CCDC178: variants seen among roughly 807,000 people sequenced by gnomAD.
CCDC178 encodes the protein coiled-coil domain containing 178.
In CCDC178, 126 loss-of-function variants were observed where a neutral mutation model predicts 117.4. The observed-to-expected ratio is 1.07, with a 90% CI of 0.93 to 1.24. The LOEUF (loss-of-function observed/expected upper bound fraction) is 1.24, where lower values mean the gene tolerates loss of function less well. CCDC178 is among the 50% of genes most tolerant of loss of function. The probability of loss-of-function intolerance (pLI) is 0.00; values close to 1 mark genes in which losing one functional copy is unlikely to be tolerated. For missense variants in CCDC178, 1,030 were observed against 986.9 expected (o/e 1.04, Z -0.59); for synonymous variants, 283 against 313.4 (o/e 0.90, Z 1.02).
At chr18:33,358,277 A>AT (rs957748258) in intron 6 of CCDC178, among the ~76,000 whole-genome samples, 2 of 151,970 alleles carry the variant, frequency 1.3e-5, no homozygotes, top group South Asian at 2.1e-4. Flanking sequence ...ATCCCAATAG[A>AT]TTTTTTTCAT....
At chr18:33,165,872 T>C (rs2144400972) in intron 20 of CCDC178, among the ~76,000 whole-genome samples, 1 of 152,328 alleles carries the variant, frequency 6.6e-6, no homozygotes, top group African/African-American at 2.4e-5. Context: ...TTAATGCAAT[T>C]AATATCAATT....
chr18:33,134,514 A>C (rs2058102566), intron 20 of CCDC178, among the ~76,000 whole-genome samples: 1 of 152,058 alleles, frequency 6.6e-6, no homozygotes, highest in African/African-American at 2.4e-5. Flanking sequence ...AATGTTCACT[A>C]TTAGCTACTG....
chr18:32,948,494 C>G (rs974098677), intron 22 of CCDC178, among the ~76,000 whole-genome samples: 1 of 152,030 alleles, frequency 6.6e-6, no homozygotes, highest in East Asian at 1.9e-4. Flanking sequence ...CACATTGATG[C>G]TATATTATGC....
chr18:33,387,516 T>C (rs2063509652), intron 5 of CCDC178, among the ~76,000 whole-genome samples: 1 of 152,042 alleles, frequency 6.6e-6, no homozygotes, highest in Non-Finnish European at 1.5e-5. Context: ...AACAGGCACA[T>C]AGACCAATAG....
chr18:33,148,975 T>A (rs2058308900), intron 20 of CCDC178, among the ~76,000 whole-genome samples: 2 of 152,226 alleles, frequency 1.3e-5, no homozygotes, highest in African/African-American at 4.8e-5. Flanking sequence ...TGTCTGTTTC[T>A]GGCCAATGCG....
Position 33,398,250 on chromosome 18 carries a change from T to C in CCDC178, c.59-1042A>G, listed in dbSNP as rs570345591. On this transcript the variant is annotated intron_variant, in intron 3 of 22. Coordinates refer to ENST00000383096, the MANE Select transcript of CCDC178 (RefSeq NM_001105528.4). ...ATGAAAAGAAACAGTTTCTTCTCTA[T>C]ACAAAAACAGACATATGAAAATAAA... Among the ~76,000 whole-genome samples, 429 of 152,150 alleles carry C rather than the reference T, an allele frequency of 2.8e-3. 10 individuals are homozygous for C. The highest frequency in any genetic ancestry group is 6.8e-4 in the Non-Finnish European group (46 of 67,966).
At chr18:33,034,510 T>C (rs965700198) in intron 21 of CCDC178, among the ~76,000 whole-genome samples, 1 of 152,042 alleles carries the variant, frequency 6.6e-6, no homozygotes. Flanking sequence ...TGTTTGACCT[T>C]TATATTTGCT....
chr18:33,211,265 A>G (rs1461629239), intron 20 of CCDC178, among the ~76,000 whole-genome samples: 2 of 151,938 alleles, frequency 1.3e-5, no homozygotes, highest in African/African-American at 2.4e-5. Context: ...AATGTAATTT[A>G]AATATGGTAC....
At position 32,940,625 on chromosome 18, in the gene CCDC178, T is replaced by C. The variant is rs567071746; in HGVS notation, c.2524-2534A>G. Among the ~76,000 whole-genome samples the C allele has an allele frequency of 3.3e-5, 5 of 152,228 alleles. No homozygotes were observed. The East Asian group carries it at 9.7e-4, about 29-fold the overall frequency. On this transcript the variant is annotated intron_variant, in intron 22 of 22. Coordinates refer to ENST00000383096, the MANE Select transcript of CCDC178 (RefSeq NM_001105528.4). ...TGTACAGATTATTTAGTTATCTAGG[T>C]ACTAAGCCTAGTGCCCAATAGTTAT...
chr18:33,294,293 A>T (rs2062076197), intron 11 of CCDC178, among the ~76,000 whole-genome samples: 1 of 152,188 alleles, frequency 6.6e-6, no homozygotes, highest in African/African-American at 2.4e-5. Context: ...CATTTTCATA[A>T]ACTATCAGCA....
At chr18:33,240,505 T>A (rs1021196579) in intron 15 of CCDC178, among the ~76,000 whole-genome samples, 1 of 151,008 alleles carries the variant, frequency 6.6e-6, no homozygotes, top group Non-Finnish European at 1.5e-5. Context: ...AAGACATAAA[T>A]GAATACAATC....
chr18:33,322,564 T>C (rs2062526878), intron 11 of CCDC178, among the ~76,000 whole-genome samples: 1 of 151,622 alleles, frequency 6.6e-6, no homozygotes, highest in Admixed American at 6.6e-5. Context: ...AAAGCAATAA[T>C]AAAAATTAAT....
At chr18:33,399,080 G>A (rs1599271410) in intron 3 of CCDC178, among the ~76,000 whole-genome samples, 1 of 152,038 alleles carries the variant, frequency 6.6e-6, no homozygotes, top group East Asian at 1.9e-4. Context: ...GGCGCCTGTA[G>A]TCCCAGCTAC....
chr18:33,144,597 T>C (rs1215763399), intron 20 of CCDC178, among the ~76,000 whole-genome samples: 1 of 152,128 alleles, frequency 6.6e-6, no homozygotes, highest in African/African-American at 2.4e-5. Flanking sequence ...CCCTAAACTA[T>C]ATGCTTGTTC....
rs569323491 is a variant in CCDC178, at chr18:33,115,757, T to G, written c.2239-22847A>C. ...AGTAGTTCACTATAGACCCCAGATGTGCTCCTGCACATTCTGAGTCCTTTC... is the reference window on the plus strand; with the variant it reads ...AGTAGTTCACTATAGACCCCAGATGGGCTCCTGCACATTCTGAGTCCTTTC... On this transcript the variant is annotated intron_variant, in intron 20 of 22. Coordinates refer to ENST00000383096, the MANE Select transcript of CCDC178 (RefSeq NM_001105528.4). 1.5e-4 allele frequency among the ~76,000 whole-genome samples: 23 copies of G among 152,134 alleles called. 1 individual carries two copies. In the South Asian group the frequency reaches 3.3e-3, roughly 22 times the overall value.
At chr18:33,411,935 G>C (rs569383192) in intron 3 of CCDC178, 96 bp downstream of exon 3, 1 of 595,572 alleles carries the variant, frequency 1.7e-6, no homozygotes, top group African/African-American at 1.9e-5. Flanking sequence ...TCTTGGAAAA[G>C]ATTACTATCT....
At chr18:33,077,424 T>TA (rs1389883949) in intron 21 of CCDC178, among the ~76,000 whole-genome samples, 1 of 152,118 alleles carries the variant, frequency 6.6e-6, no homozygotes, top group East Asian at 1.9e-4. Context: ...GTAGCTGAGC[T>TA]AAAAATGAGG....
chr18:33,305,551 G>GACT (rs1407830153), intron 11 of CCDC178, among the ~76,000 whole-genome samples: 2,432 of 152,176 alleles, frequency 0.016, 61 homozygotes, highest in African/African-American at 0.056. Flanking sequence ...GAACCTAAGG[G>GACT]CTGACACTCT....
chr18:33,279,381 A>G, intron 12 of CCDC178, among the ~76,000 whole-genome samples: 1 of 152,010 alleles, frequency 6.6e-6, no homozygotes, highest in Non-Finnish European at 1.5e-5. Context: ...TAAAATACCT[A>G]GGAATCCAAC....
Sources: allele counts gnomAD v4.1 joint callset (sites outside exome capture counted in the v4.1 genomes callset), GRCh38; gene constraint gnomAD v4.1.1; transcripts MANE v1.5; gene names NCBI Gene and HGNC (gene_info 2026-07-23, HGNC 2026-07-21).